FYB2: variants seen among roughly 807,000 people sequenced by gnomAD.
FYB2 encodes the protein FYN-binding protein 2.
In FYB2, 103 loss-of-function variants were observed where a neutral mutation model predicts 94.1. That is an observed-to-expected ratio of 1.09 (90% CI 0.93 to 1.29). The LOEUF (loss-of-function observed/expected upper bound fraction) is 1.29, where lower values mean the gene tolerates loss of function less well. FYB2 is among the 50% of genes most tolerant of loss of function. The pLI, the probability that FYB2 is intolerant of heterozygous loss-of-function variation, is 0.00. For synonymous variants in FYB2, 293 were observed against 287.9 expected (o/e 1.02, Z -0.18); for missense variants, 896 against 841.5 (o/e 1.06, Z -0.80).
At chr1:56,816,641 G>A (rs1189291293) in intron 1 of FYB2, among the ~76,000 whole-genome samples, 1 of 152,088 alleles carries the variant, frequency 6.6e-6, no homozygotes, top group East Asian at 1.9e-4. Context: ...TACACACCCA[G>A]TGCTATTCTA....
chr1:56,728,898 C>T (rs1644642539), intron 15 of FYB2, among the ~76,000 whole-genome samples: 1 of 152,170 alleles, frequency 6.6e-6, no homozygotes. Flanking sequence ...TACCCAACAC[C>T]TAGCACAGTG....
chr1:56,796,458 C>A (rs1646399980), intron 1 of FYB2, among the ~76,000 whole-genome samples: 1 of 152,172 alleles, frequency 6.6e-6, no homozygotes, highest in Non-Finnish European at 1.5e-5. Flanking sequence ...GATTCTTCCT[C>A]ACTTACTGCT....
chr1:56,821,747 G>T (rs888478552), upstream of FYB2, among the ~76,000 whole-genome samples: 1 of 152,118 alleles, frequency 6.6e-6, no homozygotes, highest in Non-Finnish European at 1.5e-5. Context: ...TTATTTCCCT[G>T]TAATAATCCC....
chr1:56,767,801 A>ATTTGGCTTAG (rs1158868847), intron 5 of FYB2, 28 bp downstream of exon 5: 2 of 1,479,204 alleles, frequency 1.4e-6, no homozygotes, highest in South Asian at 2.3e-5. Flanking sequence ...ACACAGGGTT[A>ATTTGGCTTAG]CACTATTAAT....
Position 56,751,036 on chromosome 1 carries a change from C to A in FYB2, c.1387+8G>T. ...TGATGAAGAAGATCAGAAAGAAATG[C>A]AACTTACAGTGGCCTTGGGAGTGCC... On this transcript the variant is annotated splice_region_variant and intron_variant, in intron 9 of 19. Transcript: ENST00000343433. 6.2e-7 allele frequency: 1 copy of A among 1,606,668 alleles called. No individual in the cohort carries two copies. The highest frequency in any genetic ancestry group is 8.5e-7 in the Non-Finnish European group (1 of 1,176,074).
At position 56,792,216 on chromosome 1, in the gene FYB2, G is replaced by A. The variant is rs377622948; in HGVS notation, c.597C>T (p.His199=). ...TATGTAATATTTTGGGGGCCACCAC[G>A]TGCTTCTGGGAAGGAAGAGTCTGGG... ...KGAQTLPSQK[H]VVAPKILHNV... is the part of the protein sequence containing the mutation. Residue 199 remains histidine (H), a synonymous_variant, in exon 2 of 20, where the codon CAC becomes CAT. Coordinates refer to ENST00000343433, the MANE Select transcript of FYB2 (RefSeq NM_001004303.5). 50 of 1,613,798 alleles carry A rather than the reference G, an allele frequency of 3.1e-5. No individual in the cohort carries two copies. Among genetic ancestry groups the A allele is most frequent in the African/African-American group, 4.0e-5 (3 of 74,884 alleles).
chr1:56,816,993 A>G (rs922253897), intron 1 of FYB2, among the ~76,000 whole-genome samples: 1 of 151,722 alleles, frequency 6.6e-6, no homozygotes, highest in African/African-American at 2.4e-5. Flanking sequence ...TCTTGCTTGG[A>G]TTACTGCAAT....
intron 15 of FYB2, among the ~76,000 whole-genome samples, chr1:56,730,772 T>C (rs926879273): frequency 6.6e-6 from 1 of 151,970 alleles, no homozygotes; most frequent in Non-Finnish European, 1.5e-5. Context: ...AATGAACTCT[T>C]CCTAACTCAT....
upstream of FYB2, among the ~76,000 whole-genome samples, chr1:56,820,640 C>T (rs1315430997): frequency 6.6e-6 from 1 of 152,226 alleles, no homozygotes; most frequent in Non-Finnish European, 1.5e-5. Flanking sequence ...CCTGGCTGAT[C>T]ACCAGAGCTG....
At chr1:56,774,614 G>A (rs112086720) in intron 4 of FYB2, among the ~76,000 whole-genome samples, 2 of 151,846 alleles carry the variant, frequency 1.3e-5, no homozygotes, top group South Asian at 2.1e-4. Flanking sequence ...ATGTATACAC[G>A]CATACACACA....
chr1:56,758,802 T>C (rs1645420015), intron 5 of FYB2, 52 bp from the exon 6 acceptor site: 2 of 1,369,918 alleles, frequency 1.5e-6, no homozygotes, highest in African/African-American at 1.5e-5. Context: ...ACCCATTTCT[T>C]ATAGCACCCA....
chr1:56,819,065 C>T (rs1014321629), intron 1 of FYB2, among the ~76,000 whole-genome samples: 1 of 152,190 alleles, frequency 6.6e-6, no homozygotes, highest in African/African-American at 2.4e-5. Flanking sequence ...CCCTCACACT[C>T]CAGGTGGCAC....
At chr1:56,769,308 T>C (rs752138600) in intron 4 of FYB2, among the ~76,000 whole-genome samples, 8 of 152,072 alleles carry the variant, frequency 5.3e-5, no homozygotes, top group Non-Finnish European at 1.2e-4. Flanking sequence ...CCAAAAGTAC[T>C]AAGATTACAG....
At chr1:56,740,480 T>A (rs751073623) in intron 13 of FYB2, among the ~76,000 whole-genome samples, 1 of 152,084 alleles carries the variant, frequency 6.6e-6, no homozygotes, top group Non-Finnish European at 1.5e-5. Flanking sequence ...ACCCTTTCTC[T>A]GCCATTTTTT....
At chr1:56,808,711 G>A (rs2897089) in intron 1 of FYB2, among the ~76,000 whole-genome samples, 2,632 of 152,270 alleles carry the variant, frequency 0.017, 95 homozygotes, top group African/African-American at 0.06. Flanking sequence ...AAGAGAAACT[G>A]TGTACTGTAT....
At chr1:56,726,656 G>T in intron 15 of FYB2, 73 bp from the exon 16 acceptor site, 1 of 1,213,374 alleles carries the variant, frequency 8.2e-7, no homozygotes, top group South Asian at 1.4e-5. Flanking sequence ...AACACTTCAT[G>T]GGCAATTATG....
intron 9 of FYB2, among the ~76,000 whole-genome samples, chr1:56,746,352 T>G (rs1332116128): frequency 1.3e-5 from 2 of 152,000 alleles, no homozygotes; most frequent in Admixed American, 6.6e-5. Context: ...ATCTATTATC[T>G]TAGTACATAT....
intron 1 of FYB2, among the ~76,000 whole-genome samples, chr1:56,810,319 A>G (rs1203909884): frequency 2.0e-5 from 3 of 151,982 alleles, no homozygotes; most frequent in Non-Finnish European, 4.4e-5. Context: ...GTTTTCTTGG[A>G]GTTTTCACTC....
At chr1:56,806,963 C>T (rs1268352061) in intron 1 of FYB2, among the ~76,000 whole-genome samples, 4 of 152,122 alleles carry the variant, frequency 2.6e-5, no homozygotes, top group Non-Finnish European at 5.9e-5. Context: ...ATGATCTCTG[C>T]AAACATGCCA....
Sources: gnomAD v4.1 joint callset for allele counts (sites outside exome capture counted in the v4.1 genomes callset) on GRCh38, gnomAD v4.1.1 for gene constraint, MANE v1.5 for transcripts, NCBI Gene and HGNC (gene_info 2026-07-23, HGNC 2026-07-21) for gene names.